CDH12: variants seen among roughly 807,000 people sequenced by gnomAD.
The protein encoded by CDH12 is cadherin-12.
In CDH12, 41 loss-of-function variants were observed where a neutral mutation model predicts 74.1. The observed-to-expected ratio is 0.55, with a 90% CI of 0.43 to 0.72. The LOEUF (loss-of-function observed/expected upper bound fraction) is 0.72, where lower values mean the gene tolerates loss of function less well. Among genes scored for constraint, CDH12 ranks in the 30% least tolerant of loss-of-function variants. The pLI, the probability that CDH12 is intolerant of heterozygous loss-of-function variation, is 0.00. For missense variants in CDH12, 945 were observed against 977.2 expected (o/e 0.97, Z 0.44); for synonymous variants, 399 against 355.0 (o/e 1.12, Z -1.39).
chr5:22,801,522 C>A (rs1446407873), intron 1 of CDH12, among the ~76,000 whole-genome samples: 1 of 151,286 alleles, frequency 6.6e-6, no homozygotes, highest in Non-Finnish European at 1.5e-5. Flanking sequence ...ACGAATTTGT[C>A]TTTTAACATC....
chr5:22,639,889 A>C (rs1234959682), intron 1 of CDH12, among the ~76,000 whole-genome samples: 1 of 152,202 alleles, frequency 6.6e-6, no homozygotes, highest in Non-Finnish European at 1.5e-5. Flanking sequence ...ACTTACAGTC[A>C]ACCTATTAAT....
At chr5:22,349,898 A>G (rs1740288472) in intron 3 of CDH12, among the ~76,000 whole-genome samples, 1 of 152,136 alleles carries the variant, frequency 6.6e-6, no homozygotes, top group South Asian at 2.1e-4. Context: ...TCTTTAAAAA[A>G]TTTGTCAACC....
At chr5:21,867,287 G>A (rs961783776) in intron 6 of CDH12, among the ~76,000 whole-genome samples, 15 of 152,252 alleles carry the variant, frequency 9.9e-5, no homozygotes, top group African/African-American at 3.1e-4. Flanking sequence ...CCCAGGAGGC[G>A]GAGGTTGCAG....
At chr5:22,684,379 T>C (rs1232600834) in intron 1 of CDH12, among the ~76,000 whole-genome samples, 2 of 152,336 alleles carry the variant, frequency 1.3e-5, no homozygotes, top group East Asian at 3.9e-4. Context: ...CACCCCTGGA[T>C]TTTGACTATC....
chr5:21,779,499 A>C (rs1229414560), intron 11 of CDH12: 1 of 152,246 alleles, frequency 6.6e-6, no homozygotes, highest in African/African-American at 2.4e-5. Context: ...CAAGGTTAAT[A>C]TAATAAAAAC....
At chr5:22,481,253 A>G (rs999035630) in intron 2 of CDH12, among the ~76,000 whole-genome samples, 4 of 152,224 alleles carry the variant, frequency 2.6e-5, no homozygotes, top group African/African-American at 9.6e-5. Context: ...GTTGATGGGA[A>G]TGTAAAATGG....
At chr5:22,218,081 A>G (rs1021737016) in intron 3 of CDH12, among the ~76,000 whole-genome samples, 1 of 151,732 alleles carries the variant, frequency 6.6e-6, no homozygotes, top group Non-Finnish European at 1.5e-5. Context: ...AAGAAAAAAA[A>G]CTCTCATTAC....
chr5:22,592,098 T>C (rs896104523), intron 1 of CDH12, among the ~76,000 whole-genome samples: 1 of 152,216 alleles, frequency 6.6e-6, no homozygotes, highest in Non-Finnish European at 1.5e-5. Context: ...GATTCTGCAA[T>C]AGGTAGCTCA....
chr5:22,117,447 T>A (rs1347054757), intron 4 of CDH12, among the ~76,000 whole-genome samples: 2 of 92,512 alleles, frequency 2.2e-5, no homozygotes, highest in African/African-American at 4.7e-5. Context: ...TATATATATA[T>A]AATATATATA....
intron 1 of CDH12, among the ~76,000 whole-genome samples, chr5:22,736,830 C>A: frequency 6.6e-6 from 1 of 151,776 alleles, no homozygotes; most frequent in East Asian, 1.9e-4. Flanking sequence ...TTTCAAAGCT[C>A]CATAGAGTTG....
chr5:22,188,101 G>A (rs1271767786), intron 4 of CDH12, among the ~76,000 whole-genome samples: 2 of 150,676 alleles, frequency 1.3e-5, no homozygotes. Context: ...GTAGGTGTTG[G>A]GAGGTGGGGT....
At chr5:22,425,066 A>G (rs910517395) in intron 2 of CDH12, among the ~76,000 whole-genome samples, 2 of 89,862 alleles carry the variant, frequency 2.2e-5, no homozygotes, top group African/African-American at 6.0e-5. Context: ...TTACATTTAT[A>G]TATATATATA....
At chr5:22,065,169 T>C (rs932825360) in intron 5 of CDH12, among the ~76,000 whole-genome samples, 6 of 152,152 alleles carry the variant, frequency 3.9e-5, no homozygotes, top group East Asian at 1.9e-4. Flanking sequence ...CACTGCTCTC[T>C]TTGATTCTAG....
At chr5:22,747,680 T>C (rs1319369261) in intron 1 of CDH12, among the ~76,000 whole-genome samples, 1 of 151,740 alleles carries the variant, frequency 6.6e-6, no homozygotes, top group African/African-American at 2.4e-5. Flanking sequence ...ATAGCTAAAG[T>C]TGCATTTGAG....
intron 6 of CDH12, among the ~76,000 whole-genome samples, chr5:21,928,565 T>C (rs143161239): frequency 5.8e-4 from 88 of 152,272 alleles, no homozygotes; most frequent in Admixed American, 1.6e-3. Flanking sequence ...AAACAGAAAA[T>C]ATGCAGTGAT....
Position 21,783,506 on chromosome 5 carries a change from A to C in CDH12, c.1257-12T>G. The C allele has an allele frequency of 6.3e-7, 1 of 1,592,964 alleles. No individual in the cohort carries two copies. ...AATCTATGAAGTACCTGTATATGAA[A>C]AGAGTAGATGCAAATGTGCAATGAT... On this transcript the variant is annotated splice_polypyrimidine_tract_variant and intron_variant, in intron 10 of 14. Coordinates refer to ENST00000382254, the MANE Select transcript of CDH12 (RefSeq NM_004061.5).
At chr5:22,749,522 A>G (rs1261571621) in intron 1 of CDH12, among the ~76,000 whole-genome samples, 1 of 152,232 alleles carries the variant, frequency 6.6e-6, no homozygotes, top group African/African-American at 2.4e-5. Context: ...AAGAAATGTT[A>G]TAGGTTTCCT....
At chr5:22,132,880 C>A (rs1580301066) in intron 4 of CDH12, among the ~76,000 whole-genome samples, 1 of 152,066 alleles carries the variant, frequency 6.6e-6, no homozygotes, top group East Asian at 1.9e-4. Context: ...GGAGCCACTG[C>A]CTCACATTGC....
chr5:22,809,391 A>C (rs1376718020), intron 1 of CDH12, among the ~76,000 whole-genome samples: 1 of 151,766 alleles, frequency 6.6e-6, no homozygotes, highest in Non-Finnish European at 1.5e-5. Flanking sequence ...TATAAAATAT[A>C]AAATATAGGG....
Sources: allele counts gnomAD v4.1 joint callset (sites outside exome capture counted in the v4.1 genomes callset), GRCh38; gene constraint gnomAD v4.1.1; transcripts MANE v1.5; gene names NCBI Gene and HGNC (gene_info 2026-07-23, HGNC 2026-07-21).